Variants in SLC24A3 observed in about 807,000 individuals in gnomAD.
SLC24A3 encodes sodium/potassium/calcium exchanger 3.
A neutral mutation model predicts 75.8 loss-of-function variants in SLC24A3; 28 were observed. That is an observed-to-expected ratio of 0.37 (90% CI 0.27 to 0.51). The LOEUF (loss-of-function observed/expected upper bound fraction) is 0.51, where lower values mean the gene tolerates loss of function less well. Among genes scored for constraint, SLC24A3 ranks in the 20% least tolerant of loss-of-function variants. The pLI is 0.94. For missense variants in SLC24A3, 663 were observed against 847.8 expected (o/e 0.78, Z 2.71); for synonymous variants, 372 against 334.1 (o/e 1.11, Z -1.24).
At chr20:19,526,428 C>T (rs2030199995) in intron 3 of SLC24A3, among the ~76,000 whole-genome samples, 1 of 152,230 alleles carries the variant, frequency 6.6e-6, no homozygotes, top group Admixed American at 6.5e-5. Context: ...CAGTGCCCCA[C>T]TCACAATAGG....
Position 19,358,068 on chromosome 20 carries a change from A to G in SLC24A3, c.271+76981A>G, listed in dbSNP as rs1213082594. On this transcript the variant is annotated intron_variant, in intron 2 of 16. Coordinates refer to ENST00000328041, the MANE Select transcript of SLC24A3 (RefSeq NM_020689.4). ...CCCTCCAGCTCAGCTATATGTTGTC[A>G]GGGTTGTTTTCCCTCCTGCTCCAAG... Among the ~76,000 whole-genome samples the G allele has an allele frequency of 5.3e-5, 8 of 152,314 alleles. No individual in the cohort carries two copies. In the East Asian group the frequency reaches 1.3e-3, roughly 26 times the overall value.
At chr20:19,462,019 CTTTTA>C (rs1389025386) in intron 2 of SLC24A3, among the ~76,000 whole-genome samples, 1 of 152,134 alleles carries the variant, frequency 6.6e-6, no homozygotes, top group Non-Finnish European at 1.5e-5. Flanking sequence ...TTCTTTCCAA[CTTTTA>C]TTTTAGGTTC....
chr20:19,254,718 C>A (rs1982761199), intron 1 of SLC24A3, among the ~76,000 whole-genome samples: 1 of 152,272 alleles, frequency 6.6e-6, no homozygotes, highest in Admixed American at 6.5e-5. Context: ...AGAGGACACA[C>A]AGCATGGGCT....
At chr20:19,405,781 T>A (rs1986634186) in intron 2 of SLC24A3, among the ~76,000 whole-genome samples, 1 of 152,214 alleles carries the variant, frequency 6.6e-6, no homozygotes, top group Admixed American at 6.5e-5. Flanking sequence ...TATTGAAAGG[T>A]ATAGCTTCCT....
intron 3 of SLC24A3, among the ~76,000 whole-genome samples, chr20:19,543,041 C>A (rs2030528379): frequency 6.6e-6 from 1 of 152,192 alleles, no homozygotes; most frequent in South Asian, 2.1e-4. Context: ...AGGCCTGAGA[C>A]ACAGTAAGTG....
At chr20:19,263,826 G>C (rs111497132) in intron 1 of SLC24A3, among the ~76,000 whole-genome samples, 4 of 152,190 alleles carry the variant, frequency 2.6e-5, no homozygotes, top group Non-Finnish European at 4.4e-5. Context: ...GTGTTTAAAC[G>C]AAAGCTTCAC....
chr20:19,637,268 T>G (rs1203560978), intron 6 of SLC24A3, among the ~76,000 whole-genome samples: 3 of 152,246 alleles, frequency 2.0e-5, no homozygotes, highest in Non-Finnish European at 4.4e-5. Context: ...GCCACTGCAC[T>G]CCAGCCTGGG....
At chr20:19,663,403 C>T (rs1176906532) in intron 7 of SLC24A3, among the ~76,000 whole-genome samples, 1 of 109,994 alleles carries the variant, frequency 9.1e-6, no homozygotes, top group Non-Finnish European at 1.8e-5. Flanking sequence ...GAGGCCTCCT[C>T]CTCCACCTCC....
intron 2 of SLC24A3, among the ~76,000 whole-genome samples, chr20:19,383,974 A>C (rs1244757474): frequency 6.6e-6 from 1 of 152,168 alleles, no homozygotes; most frequent in African/African-American, 2.4e-5. Context: ...AGTCCATAGC[A>C]GCTTTTATTT....
intron 10 of SLC24A3, among the ~76,000 whole-genome samples, chr20:19,682,311 G>GA (rs749311632): frequency 6.6e-6 from 1 of 152,176 alleles, no homozygotes; most frequent in Non-Finnish European, 1.5e-5. Flanking sequence ...TGTGTGAGAA[G>GA]AAAGTGCTAG....
intron 3 of SLC24A3, among the ~76,000 whole-genome samples, chr20:19,539,461 C>A (rs1379320737): frequency 6.6e-6 from 1 of 152,174 alleles, no homozygotes; most frequent in African/African-American, 2.4e-5. Context: ...CTGGAGCCAG[C>A]CTGCCTGCAA....
chr20:19,322,229 T>C (rs1984724314), intron 2 of SLC24A3, among the ~76,000 whole-genome samples: 1 of 152,168 alleles, frequency 6.6e-6, no homozygotes, highest in Non-Finnish European at 1.5e-5. Flanking sequence ...ATCTTTATTA[T>C]AGCAGGGTGT....
chr20:19,581,170 A>G (rs570919251), intron 4 of SLC24A3, among the ~76,000 whole-genome samples: 70 of 152,322 alleles, frequency 4.6e-4, no homozygotes, highest in African/African-American at 1.6e-3. Flanking sequence ...GTGGCATCTG[A>G]AATGCACAGT....
chr20:19,686,775 A>G (rs548264583), intron 12 of SLC24A3, among the ~76,000 whole-genome samples: 177 of 152,314 alleles, frequency 1.2e-3, no homozygotes, highest in African/African-American at 3.9e-3. Context: ...AGCCTCTTCA[A>G]GAACTTATCA....
At chr20:19,537,646 G>T (rs1416973204) in intron 3 of SLC24A3, among the ~76,000 whole-genome samples, 9 of 152,112 alleles carry the variant, frequency 5.9e-5, no homozygotes, top group Non-Finnish European at 2.9e-5. Context: ...AACAATGATT[G>T]ACTGGATTAA....
intron 2 of SLC24A3, among the ~76,000 whole-genome samples, chr20:19,306,718 G>T (rs59591818): frequency 6.6e-6 from 1 of 151,870 alleles, no homozygotes; most frequent in African/African-American, 2.4e-5. Flanking sequence ...AAGTAGGGAG[G>T]GGGTGAGGGA....
chr20:19,691,561 T>G (rs1383539604), intron 12 of SLC24A3, among the ~76,000 whole-genome samples: 1 of 152,076 alleles, frequency 6.6e-6, no homozygotes, highest in Non-Finnish European at 1.5e-5. Context: ...AGCAAACAGA[T>G]GGAGGTAGGA....
chr20:19,366,957 C>T (rs886549412), intron 2 of SLC24A3, among the ~76,000 whole-genome samples: 1 of 152,162 alleles, frequency 6.6e-6, no homozygotes, highest in Admixed American at 6.5e-5. Flanking sequence ...CAAGTGCTCT[C>T]TACTTTGAAA....
chr20:19,469,525 A>G (rs915831176), intron 2 of SLC24A3, among the ~76,000 whole-genome samples: 7 of 152,074 alleles, frequency 4.6e-5, no homozygotes, highest in Non-Finnish European at 1.0e-4. Context: ...AGCTGCATCC[A>G]CTGTTGGGTA....
Sources: gnomAD v4.1 joint callset for allele counts (sites outside exome capture counted in the v4.1 genomes callset) on GRCh38, gnomAD v4.1.1 for gene constraint, MANE v1.5 for transcripts, NCBI Gene and HGNC (gene_info 2026-07-23, HGNC 2026-07-21) for gene names.